The following GTF2F2 variants were observed in gnomAD, a reference collection of about 807,000 sequenced individuals.
GTF2F2 encodes general transcription factor IIF subunit 2, also known as ATP-dependent helicase GTF2F2.
Under a neutral mutation model 42.2 loss-of-function variants are expected in GTF2F2, and 23 were observed. The observed-to-expected ratio is 0.55, with a 90% CI of 0.39 to 0.77. GTF2F2 has a LOEUF of 0.77. GTF2F2 is among the 30% of genes least tolerant of loss of function. The pLI is 0.00. For missense variants in GTF2F2, 261 were observed against 287.2 expected (o/e 0.91, Z 0.66); for synonymous variants, 105 against 100.8 (o/e 1.04, Z -0.25).
At chr13:45,227,736 A>G (rs1300381168) in intron 5 of GTF2F2, among the ~76,000 whole-genome samples, 2 of 152,220 alleles carry the variant, frequency 1.3e-5, no homozygotes, top group East Asian at 1.9e-4. Context: ...ATTAAATGAC[A>G]TATTGGGTTA....
chr13:45,200,347 G>A (rs1873114925), intron 4 of GTF2F2, among the ~76,000 whole-genome samples: 1 of 152,078 alleles, frequency 6.6e-6, no homozygotes, highest in Admixed American at 6.6e-5. Flanking sequence ...TTTTGATACA[G>A]GGTCTTGCTC....
chr13:45,262,732 G>GTTAT (rs746230070), intron 6 of GTF2F2, among the ~76,000 whole-genome samples: 116 of 151,758 alleles, frequency 7.6e-4, no homozygotes, highest in Middle Eastern at 3.4e-3. Context: ...TCTTTATTTT[G>GTTAT]TTATTTATTT....
At chr13:45,272,436 A>AAC (rs1555273494) in intron 7 of GTF2F2, among the ~76,000 whole-genome samples, 21 of 143,190 alleles carry the variant, frequency 1.5e-4, no homozygotes, top group African/African-American at 3.0e-4. Context: ...AAAAAAAAAA[A>AAC]AAAACAAAAA....
chr13:45,171,856 CT>C (rs1383204830), intron 4 of GTF2F2, among the ~76,000 whole-genome samples: 1 of 148,746 alleles, frequency 6.7e-6, no homozygotes, highest in Non-Finnish European at 1.5e-5. Context: ...AATACTTGGT[CT>C]TTTGTGACCT....
At chr13:45,207,115 A>G (rs1873448736) in intron 4 of GTF2F2, 1 of 249,410 alleles carries the variant, frequency 4.0e-6, no homozygotes, top group Non-Finnish European at 7.9e-6. Flanking sequence ...GATAGCCTTT[A>G]TACTCTTTAA....
chr13:45,267,030 T>A (rs1489928371), intron 6 of GTF2F2, among the ~76,000 whole-genome samples: 1 of 151,850 alleles, frequency 6.6e-6, no homozygotes, highest in East Asian at 1.9e-4. Flanking sequence ...GCACCTGTAA[T>A]CCCAGCTACT....
chr13:45,224,015 A>G (rs1297008483), intron 5 of GTF2F2, among the ~76,000 whole-genome samples: 1 of 152,224 alleles, frequency 6.6e-6, no homozygotes, highest in Non-Finnish European at 1.5e-5. Flanking sequence ...TATATTATAT[A>G]TTAAACTGTA....
chr13:45,186,671 A>G (rs899847609), intron 4 of GTF2F2, among the ~76,000 whole-genome samples: 26 of 152,186 alleles, frequency 1.7e-4, no homozygotes, highest in Non-Finnish European at 3.5e-4. Flanking sequence ...TGTAAATGAT[A>G]ATTGGTCTAA....
intron 5 of GTF2F2, among the ~76,000 whole-genome samples, chr13:45,241,818 C>T (rs74381400): frequency 1.8e-4 from 27 of 152,204 alleles, no homozygotes; most frequent in East Asian, 7.7e-4. Flanking sequence ...ATTTATTCAA[C>T]GCACTGGGTT....
intron 5 of GTF2F2, among the ~76,000 whole-genome samples, chr13:45,212,067 C>T (rs1873672483): frequency 6.6e-6 from 1 of 152,036 alleles, no homozygotes; most frequent in African/African-American, 2.4e-5. Flanking sequence ...GGAGGAAAGG[C>T]ATAGCAACGT....
At chr13:45,263,862 TC>T in intron 6 of GTF2F2, 1 of 190,232 alleles carries the variant, frequency 5.3e-6, no homozygotes, top group South Asian at 1.2e-4. Flanking sequence ...AAATTAGGAT[TC>T]CATGAAAGAT....
At chr13:45,149,675 A>G in intron 2 of GTF2F2, 95 bp from the exon 3 acceptor site, 1 of 1,190,640 alleles carries the variant, frequency 8.4e-7, no homozygotes, top group Non-Finnish European at 1.1e-6. Flanking sequence ...GTAATATTTT[A>G]TGTAAATATG....
At chr13:45,165,655 A>C (rs146794534) in intron 4 of GTF2F2, among the ~76,000 whole-genome samples, 1 of 150,772 alleles carries the variant, frequency 6.6e-6, no homozygotes, top group Non-Finnish European at 1.5e-5. Context: ...GTGAACTTCC[A>C]TATACCTATC....
At chr13:45,229,524 T>C (rs1048952833) in intron 5 of GTF2F2, among the ~76,000 whole-genome samples, 1 of 152,128 alleles carries the variant, frequency 6.6e-6, no homozygotes, top group African/African-American at 2.4e-5. Flanking sequence ...GAGGCTTTTT[T>C]TGGGGATAGA....
intron 7 of GTF2F2, among the ~76,000 whole-genome samples, chr13:45,270,357 A>C (rs904984839): frequency 3.9e-5 from 6 of 152,206 alleles, no homozygotes; most frequent in African/African-American, 1.4e-4. Context: ...GAATACCTGA[A>C]GCTGGGCAAT....
intron 6 of GTF2F2, chr13:45,263,632 A>G (rs7332785): frequency 0.33 from 49,531 of 152,036 alleles, 10,273 homozygotes; most frequent in African/African-American, 0.59. Flanking sequence ...GGCTCGAATA[A>G]ACTATATAGT....
intron 5 of GTF2F2, among the ~76,000 whole-genome samples, chr13:45,225,765 A>T (rs959473953): frequency 1.3e-5 from 2 of 152,216 alleles, no homozygotes; most frequent in Non-Finnish European, 2.9e-5. Context: ...AAATGCATTT[A>T]AGAAGTTTCC....
At chr13:45,179,470 C>T (rs970254074) in intron 4 of GTF2F2, among the ~76,000 whole-genome samples, 4 of 152,120 alleles carry the variant, frequency 2.6e-5, no homozygotes, top group Non-Finnish European at 5.9e-5. Context: ...TCTGGGTCAC[C>T]CTAGTTAGTT....
intron 5 of GTF2F2, among the ~76,000 whole-genome samples, chr13:45,247,385 C>T (rs1875682076): frequency 6.6e-6 from 1 of 151,450 alleles, no homozygotes; most frequent in African/African-American, 2.4e-5. Context: ...AGACAGATAC[C>T]TGGTTTTTTT....
Sources: gnomAD v4.1 joint callset for allele counts (sites outside exome capture counted in the v4.1 genomes callset) on GRCh38, gnomAD v4.1.1 for gene constraint, MANE v1.5 for transcripts, NCBI Gene and HGNC (gene_info 2026-07-23, HGNC 2026-07-21) for gene names.